TANGO2: variants seen among roughly 807,000 people sequenced by gnomAD.
TANGO2 encodes the protein transport and Golgi organization protein 2 homolog.
Under a neutral mutation model 39.1 loss-of-function variants are expected in TANGO2, and 26 were observed. The ratio of observed to expected loss-of-function variants is 0.67; its 90% CI spans 0.49 to 0.92. The LOEUF is 0.92. Ranked by LOEUF, TANGO2 falls within the 40% of genes least tolerant of loss-of-function variation. The pLI is 0.00. For synonymous variants in TANGO2, 131 were observed against 144.5 expected, an observed-to-expected ratio of 0.91 and a Z score of 0.67; for missense variants, 326 against 360.1, an observed-to-expected ratio of 0.91 and a Z score of 0.77.
chr22:20,046,611 C>T (rs1038854083), intron 3 of TANGO2, among the ~76,000 whole-genome samples: 3 of 151,956 alleles, frequency 2.0e-5, no homozygotes, highest in Non-Finnish European at 1.5e-5. Flanking sequence ...ATTACAGGCA[C>T]CTGCCACCAC....
chr22:20,038,452 A>G (rs1355001924), intron 2 of TANGO2, among the ~76,000 whole-genome samples: 1 of 152,060 alleles, frequency 6.6e-6, no homozygotes, highest in Non-Finnish European at 1.5e-5. Context: ...TCTGGAAAGG[A>G]AGCTTGATGG....
upstream of TANGO2, among the ~76,000 whole-genome samples, chr22:20,017,694 G>T (rs1410033008): frequency 6.6e-6 from 1 of 152,218 alleles, no homozygotes; most frequent in African/African-American, 2.4e-5. Flanking sequence ...AAGAAACGGT[G>T]CTTCACTGCC....
chr22:20,059,127 G>A (rs1450572632), intron 6 of TANGO2, among the ~76,000 whole-genome samples: 3 of 152,188 alleles, frequency 2.0e-5, no homozygotes, highest in Non-Finnish European at 4.4e-5. Flanking sequence ...GGGCTGTCAA[G>A]AGTTAGGAGG....
In TANGO2 at chr22:20,052,590, G is replaced by C; in HGVS notation, c.265+6G>C. The C allele has an allele frequency of 6.4e-7, 1 of 1,558,584 alleles. No individual in the cohort carries two copies. Among genetic ancestry groups the C allele is most frequent in the Non-Finnish European group, 8.7e-7 (1 of 1,151,542 alleles). On this transcript the variant is annotated splice_donor_region_variant and intron_variant, in intron 4 of 8. Coordinates refer to ENST00000327374, the MANE Select transcript of TANGO2 (RefSeq NM_152906.7). ...CTGGCAGGCCCGAGGGCGAGGTAAG[G>C]CGAGTGGGGTGGGGCCAAGGTGAGA...
rs1325943262 is a variant in TANGO2, at chr22:20,066,772, G to T, written c.*2110G>T. ...TGTCCTGTGCCGGTGACCAGTGCCA[G>T]TCCCCAACCTGGATGGTGCCCTGCC... is the stretch of plus-strand genomic sequence containing the variant. On this transcript the variant is annotated 3_prime_UTR_variant, in exon 9 of 9. Coordinates refer to ENST00000327374, the MANE Select transcript of TANGO2 (RefSeq NM_152906.7). 2.6e-5 allele frequency among the ~76,000 whole-genome samples: 4 copies of T among 152,258 alleles called. No homozygotes were observed. The highest frequency in any genetic ancestry group is 3.9e-4 in the East Asian group (2 of 5,172).
chr22:20,034,514 C>T (rs2042473651), intron 1 of TANGO2, among the ~76,000 whole-genome samples: 1 of 152,190 alleles, frequency 6.6e-6, no homozygotes, highest in Non-Finnish European at 1.5e-5. Flanking sequence ...AGTGCTGGAA[C>T]CCCTTAAAAC....
chr22:20,050,357 GGTTTTTTTTT>G (rs1464830723), intron 3 of TANGO2, among the ~76,000 whole-genome samples: 2 of 69,204 alleles, frequency 2.9e-5, no homozygotes, highest in Non-Finnish European at 5.3e-5. Context: ...TTTTCCTGGT[GGTTTTTTTTT>G]TTTTTTTTTT....
chr22:20,031,494 C>G (rs2041860206), intron 1 of TANGO2, among the ~76,000 whole-genome samples: 1 of 152,240 alleles, frequency 6.6e-6, no homozygotes, highest in Non-Finnish European at 1.5e-5. Context: ...GCTCTGCTTT[C>G]AGTCTTGAAG....
chr22:20,054,693 A>G (rs2147598204), intron 5 of TANGO2: 1 of 153,472 alleles, frequency 6.5e-6, no homozygotes, highest in Non-Finnish European at 1.4e-5. Flanking sequence ...AGCTGGTGCC[A>G]GGGCCGAGGC....
intron 3 of TANGO2, among the ~76,000 whole-genome samples, chr22:20,043,664 A>G (rs1254562660): frequency 6.6e-6 from 1 of 152,116 alleles, no homozygotes; most frequent in Non-Finnish European, 1.5e-5. Flanking sequence ...ATGCGTCTGC[A>G]TGGGGGCCCC....
chr22:20,035,990 A>G (rs2042776984), intron 1 of TANGO2, among the ~76,000 whole-genome samples: 1 of 152,130 alleles, frequency 6.6e-6, no homozygotes, highest in African/African-American at 2.4e-5. Context: ...CCTTCACCCG[A>G]ACCAAAGAAG....
intron 3 of TANGO2, among the ~76,000 whole-genome samples, chr22:20,047,016 G>C (rs2045345050): frequency 6.6e-6 from 1 of 152,176 alleles, no homozygotes; most frequent in Non-Finnish European, 1.5e-5. Flanking sequence ...GGGAAGGGGA[G>C]GTGGTATGTG....
intron 2 of TANGO2, 122 bp from the exon 3 acceptor site, chr22:20,043,233 C>G (rs2044321871): frequency 5.6e-6 from 4 of 709,814 alleles, no homozygotes; most frequent in Middle Eastern, 3.0e-4. Context: ...GGACTGCCGG[C>G]TTCCTGCCCT....
At chr22:20,049,098 T>C (rs920441835) in intron 3 of TANGO2, among the ~76,000 whole-genome samples, 1 of 152,206 alleles carries the variant, frequency 6.6e-6, no homozygotes, top group African/African-American at 2.4e-5. Context: ...GTTTTTATGT[T>C]TGGTCTATGA....
chr22:20,020,667 T>TG (rs1277431274), upstream of TANGO2, among the ~76,000 whole-genome samples: 2 of 151,928 alleles, frequency 1.3e-5, no homozygotes, highest in Non-Finnish European at 2.9e-5. Flanking sequence ...AAGAGGAAGA[T>TG]GGCCAGGTCC....
At chr22:20,053,336 C>T (rs769003682) in intron 4 of TANGO2, 101 bp from the exon 5 acceptor site, 11 of 751,854 alleles carry the variant, frequency 1.5e-5, no homozygotes, top group Non-Finnish European at 2.1e-5. Context: ...AGTGGGACCC[C>T]TCATCTTCCT....
At position 20,043,361 on chromosome 22, in the gene TANGO2, C is replaced by T; in HGVS notation, c.63C>T (p.Ile21=). ...RPVSKNAYRL[I]LAANRDEFYS... The stretch of plus-strand genomic sequence containing the variant: ...TGATGCTTTCCTCTTGCAGGCTCAT[C>T]TTGGCAGCCAACAGGGATGAATTCT... The change falls in exon 3 of 9, where the codon ATC becomes ATT. Residue 21 remains isoleucine (I), a synonymous_variant. Coordinates refer to ENST00000327374, the MANE Select transcript of TANGO2 (RefSeq NM_152906.7). 1.2e-6 allele frequency: 2 copies of T among 1,612,468 alleles called. No homozygotes were observed. The highest frequency in any genetic ancestry group is 2.2e-5 in the South Asian group (2 of 90,936).
chr22:20,038,913 T>G (rs1486254884), intron 2 of TANGO2, among the ~76,000 whole-genome samples: 2 of 113,694 alleles, frequency 1.8e-5, no homozygotes, highest in African/African-American at 6.8e-5. Flanking sequence ...GTAGGGTGCT[T>G]TAGGCCACTA....
At chr22:20,029,647 C>T (rs538430990) in intron 1 of TANGO2, among the ~76,000 whole-genome samples, 1 of 152,288 alleles carries the variant, frequency 6.6e-6, no homozygotes, top group Non-Finnish European at 1.5e-5. Flanking sequence ...CTGGAAGAGG[C>T]CTGTGCTCTG....
Sources: allele counts gnomAD v4.1 joint callset (sites outside exome capture counted in the v4.1 genomes callset), GRCh38; gene constraint gnomAD v4.1.1; transcripts MANE v1.5; gene names NCBI Gene and HGNC (gene_info 2026-07-23, HGNC 2026-07-21).